CYP2A13: variants seen among roughly 807,000 people sequenced by gnomAD.
The protein encoded by CYP2A13 is cytochrome P450 2A13.
In CYP2A13, 30 loss-of-function variants were observed where a neutral mutation model predicts 39.4. The observed-to-expected ratio is 0.76, with a 90% CI of 0.57 to 1.03. The LOEUF is 1.03. Ranked by LOEUF, CYP2A13 falls within the 50% of genes least tolerant of loss-of-function variation. The probability of loss-of-function intolerance (pLI) is 0.00; values close to 1 mark genes in which losing one functional copy is unlikely to be tolerated. For synonymous variants in CYP2A13, 269 were observed against 254.7 expected (o/e 1.06, Z -0.54); for missense variants, 731 against 648.4 (o/e 1.13, Z -1.38).
At chr19:41,094,149 G>A in intron 6 of CYP2A13, 96 bp from the exon 7 acceptor site, 1 of 1,539,638 alleles carries the variant, frequency 6.5e-7, no homozygotes, top group Non-Finnish European at 8.8e-7. Flanking sequence ...CCGTGTCATA[G>A]GTGGAGCTAT....
chr19:41,090,874 G>A (rs2316733), intron 4 of CYP2A13, among the ~76,000 whole-genome samples: 10 of 152,128 alleles, frequency 6.6e-5, no homozygotes, highest in South Asian at 2.1e-4. Flanking sequence ...TTTGTAACAG[G>A]TGCTCCCTAC....
intron 4 of CYP2A13, 91 bp downstream of exon 4, chr19:41,090,655 C>G: frequency 1.3e-6 from 2 of 1,583,764 alleles, no homozygotes; most frequent in African/African-American, 2.7e-5. Context: ...TCCCACCCCC[C>G]TCCAGACAGT....
chr19:41,088,895 G>T lies in CYP2A13; in HGVS notation c.181-34G>T, dbSNP rs181278618. Reference sequence around the variant, plus strand: ...GCTGGGCCCATTCAGAGTGGGGGCTGCTCCCTCTAACCACTCCCACCTGCC... The same window carrying T: ...GCTGGGCCCATTCAGAGTGGGGGCTTCTCCCTCTAACCACTCCCACCTGCC... On this transcript the variant is annotated intron_variant, in intron 1 of 8. Transcript: ENST00000330436. The T allele has an allele frequency of 7.8e-4, 1,259 of 1,611,464 alleles. 19 individuals are homozygous for T. In the East Asian group the frequency reaches 0.024, roughly 30 times the overall value.
In CYP2A13 at chr19:41,088,502, TTGCTGGCC is replaced by T. The variant is rs773247080; in HGVS notation, c.35_42del (p.Leu12ProfsTer49). 5 of 1,613,984 alleles carry T rather than the reference TTGCTGGCC, an allele frequency of 3.1e-6. No homozygotes were observed. The Admixed American group carries it at 6.7e-5, about 22-fold the overall frequency. On this transcript the variant is annotated frameshift_variant, in exon 1 of 9. Transcript: ENST00000330436. LOFTEE classifies it high-confidence loss of function. ...GGCCTCAGGGCTGCTTCTGGTGACC[TTGCTGGCC>T]TGCCTGACTGTGATGGTCTTGATGT...
intron 7 of CYP2A13, 84 bp from the exon 8 acceptor site, chr19:41,094,875 C>A (rs10425590): frequency 3.3e-6 from 5 of 1,528,556 alleles, no homozygotes; most frequent in South Asian, 1.2e-5. Flanking sequence ...ACCTGGGGCA[C>A]CCTAGTTCCC....
chr19:41,092,621 C>T (rs987930150), intron 5 of CYP2A13, among the ~76,000 whole-genome samples: 7 of 152,138 alleles, frequency 4.6e-5, no homozygotes, highest in Non-Finnish European at 8.8e-5. Flanking sequence ...GCCATGGTCC[C>T]CCAAGCTCAA....
chr19:41,095,025 G>T lies in CYP2A13; in HGVS notation c.1228G>T (p.Asp410Tyr), dbSNP rs780068442. The T allele has an allele frequency of 6.2e-7, 1 of 1,614,000 alleles. No homozygotes were observed. Residue 410 changes from aspartate to tyrosine, a missense_variant, in exon 8 of 9, where the codon GAC becomes TAC. Transcript: ENST00000330436. ...RDPRFFSNPR[D>Y]FNPQHFLDKK... ...CCCCAGGTTCTTCTCCAACCCCCGG[G>T]ACTTCAATCCCCAGCACTTCCTGGA...
chr19:41,094,815 A>G, intron 7 of CYP2A13, 144 bp from the exon 8 acceptor site: 5 of 887,262 alleles, frequency 5.6e-6, no homozygotes, highest in Non-Finnish European at 8.9e-6. Flanking sequence ...CTATCCCCCA[A>G]AGCTCCTCCC....
At position 41,093,756 on chromosome 19, in the gene CYP2A13, C is replaced by A. The variant is rs1192006191; in HGVS notation, c.958C>A (p.His320Asn). 1 of 1,613,968 alleles carries A rather than the reference C, an allele frequency of 6.2e-7. No individual in the cohort carries two copies. Among genetic ancestry groups the A allele is most frequent in the South Asian group, 1.1e-5 (1 of 91,056 alleles). ...CTACGGTTTCCTGCTGCTCATGAAG[C>A]ACCCAGAGGTGGAGGGTAAGACTGG... ...LRYGFLLLMK[H>N]PEVEAKVHEE... Residue 320 changes from histidine to asparagine, a missense_variant, in exon 6 of 9, where the codon CAC becomes AAC. By Grantham distance (68) the His-to-Asn change is moderately conservative (BLOSUM62 1). Transcript: ENST00000330436.
chr19:41,095,780 G>A lies in CYP2A13; in HGVS notation c.1324G>A (p.Glu442Lys). 1 of 1,614,094 alleles carries A rather than the reference G, an allele frequency of 6.2e-7. No homozygotes were observed. The highest frequency in any genetic ancestry group is 1.1e-5 in the South Asian group (1 of 91,084). The change falls in exon 9 of 9, where the codon GAA becomes AAA. Residue 442 changes from glutamate (E) to lysine (K), a missense_variant. Physicochemically the swap from Glu to Lys is moderately conservative, Grantham distance 56. Coordinates refer to ENST00000330436, the MANE Select transcript of CYP2A13 (RefSeq NM_000766.5). Reference sequence around the variant, plus strand: ...CTCAGGAAAGCGGTACTGTTTTGGAGAAGGCCTGGCCAGAATGGAGCTCTT... The same window carrying A: ...CTCAGGAAAGCGGTACTGTTTTGGAAAAGGCCTGGCCAGAATGGAGCTCTT... ...FSIGKRYCFG[E>K]GLARMELFLF...
Position 41,090,054 on chromosome 19 carries a change from G to C in CYP2A13, c.351G>C (p.Ala117=), listed in dbSNP as rs747969619. The C allele has an allele frequency of 6.2e-7, 1 of 1,612,058 alleles. No homozygotes were observed. The highest frequency in any genetic ancestry group is 8.5e-7 in the Non-Finnish European group (1 of 1,179,534). ...CCGCGTTCACCTCCCCAGGCGTGGC[G>C]TTCAGCAACGGGGAGCGCGCCAAGC... ...FDWLFKGYGV[A]FSNGERAKQL... Residue 117 remains alanine, a synonymous_variant, in exon 3 of 9, where the codon GCG becomes GCC. Coordinates refer to ENST00000330436, the MANE Select transcript of CYP2A13 (RefSeq NM_000766.5).
Position 41,088,539 on chromosome 19 carries a change from T to C in CYP2A13, c.68T>C (p.Val23Ala). The change falls in exon 1 of 9, where the codon GTC becomes GCC. Residue 23 changes from valine to alanine, a missense_variant. Coordinates refer to ENST00000330436, the MANE Select transcript of CYP2A13 (RefSeq NM_000766.5). ...ACLTVMVLMS[V>A]WRQRKSRGKL... Reference sequence around the variant, plus strand: ...CTGACTGTGATGGTCTTGATGTCAGTCTGGCGGCAGAGGAAGAGCAGGGGG... The same window carrying C: ...CTGACTGTGATGGTCTTGATGTCAGCCTGGCGGCAGAGGAAGAGCAGGGGG... 1 of 1,614,032 alleles carries C rather than the reference T, an allele frequency of 6.2e-7. No homozygotes were observed. Among genetic ancestry groups the C allele is most frequent in the South Asian group, 1.1e-5 (1 of 91,072 alleles).
intron 4 of CYP2A13, among the ~76,000 whole-genome samples, chr19:41,090,900 A>G: frequency 6.6e-6 from 1 of 152,180 alleles, no homozygotes; most frequent in East Asian, 1.9e-4. Flanking sequence ...TCTTCTGAAT[A>G]TTTTAACACC....
rs773045870 is a variant in CYP2A13 at position 41,095,719 on chromosome 19, G to C, written c.1304-41G>C. On this transcript the variant is annotated intron_variant, in intron 8 of 8. Transcript: ENST00000330436. Reference sequence around the variant, plus strand: ...TCAGTAGGGGTTGAGGCTGCACTGAGAGTGGGCTTCACCTTCACCCCTCCT... The same window carrying C: ...TCAGTAGGGGTTGAGGCTGCACTGACAGTGGGCTTCACCTTCACCCCTCCT... The C allele has an allele frequency of 2.5e-6, 4 of 1,610,762 alleles. No homozygotes were observed. The Admixed American group carries it at 6.7e-5, about 27-fold the overall frequency.
intron 1 of CYP2A13, 87 bp from the exon 2 acceptor site, chr19:41,088,842 G>A (rs956501990): frequency 2.0e-5 from 32 of 1,567,594 alleles, no homozygotes; most frequent in Admixed American, 1.1e-4. Flanking sequence ...ACCTGGGGGC[G>A]AAGCATCCCA....
In CYP2A13 at chr19:41,091,911, A is replaced by G; in HGVS notation, c.831+3A>G. 1 of 1,613,994 alleles carries G rather than the reference A, an allele frequency of 6.2e-7. No homozygotes were observed. Among genetic ancestry groups the G allele is most frequent in the East Asian group, 2.2e-5 (1 of 44,886 alleles). ...CCTTTCTCATCCGCATGCAGGAGGTACATCCCAGCAGCCAGTGCAGGCAGG... is the reference window on the plus strand; with the variant it reads ...CCTTTCTCATCCGCATGCAGGAGGTGCATCCCAGCAGCCAGTGCAGGCAGG... On this transcript the variant is annotated splice_donor_region_variant and intron_variant, in intron 5 of 8. Coordinates refer to ENST00000330436, the MANE Select transcript of CYP2A13 (RefSeq NM_000766.5).
intron 5 of CYP2A13, among the ~76,000 whole-genome samples, chr19:41,092,479 C>A (rs2031214640): frequency 6.6e-6 from 1 of 152,136 alleles, no homozygotes; most frequent in African/African-American, 2.4e-5. Flanking sequence ...GCGTTAAGTG[C>A]TTTAAGATAG....
At chr19:41,094,801 A>C (rs9917112) in intron 7 of CYP2A13, among the ~76,000 whole-genome samples, 158 bp from the exon 8 acceptor site, 9,273 of 151,834 alleles carry the variant, frequency 0.061, 446 homozygotes, top group Admixed American at 0.14. Flanking sequence ...GAGACATGAA[A>C]CTTCTATCCC....
chr19:41,092,896 G>T (rs1445665811), intron 5 of CYP2A13, among the ~76,000 whole-genome samples: 2 of 152,164 alleles, frequency 1.3e-5, no homozygotes, highest in African/African-American at 2.4e-5. Flanking sequence ...TTAAAATTCT[G>T]TGCTTGTATC....
Sources: allele counts gnomAD v4.1 joint callset (sites outside exome capture counted in the v4.1 genomes callset), GRCh38; gene constraint gnomAD v4.1.1; transcripts MANE v1.5; gene names NCBI Gene and HGNC (gene_info 2026-07-23, HGNC 2026-07-21).